Variants in AFF3 observed in about 807,000 individuals in gnomAD.
The protein encoded by AFF3 is AF4/FMR2 family member 3.
AFF3 carries 32 observed loss-of-function variants against 129.7 expected under a neutral mutation model. The ratio of observed to expected loss-of-function variants is 0.25; its 90% CI spans 0.19 to 0.33. AFF3 has a LOEUF of 0.33. Among genes scored for constraint, AFF3 ranks in the 10% least tolerant of loss-of-function variants. The probability of loss-of-function intolerance (pLI) is 1.00; values close to 1 mark genes in which losing one functional copy is unlikely to be tolerated. For synonymous variants in AFF3, 644 were observed against 635.4 expected (o/e 1.01, Z -0.20); for missense variants, 1,373 against 1,592.0 (o/e 0.86, Z 2.34).
chr2:100,045,245 G>A (rs1189752511), intron 4 of AFF3, among the ~76,000 whole-genome samples: 1 of 152,148 alleles, frequency 6.6e-6, no homozygotes, highest in Non-Finnish European at 1.5e-5. Flanking sequence ...GAAGACAACT[G>A]AGCTAGGGAG....
chr2:99,756,115 A>C (rs1282930591), intron 8 of AFF3, among the ~76,000 whole-genome samples: 1 of 152,188 alleles, frequency 6.6e-6, no homozygotes, highest in African/African-American at 2.4e-5. Context: ...CTGGATCCTC[A>C]TTAAAGATGA....
At chr2:99,807,238 G>A (rs1686421491) in intron 8 of AFF3, among the ~76,000 whole-genome samples, 1 of 152,228 alleles carries the variant, frequency 6.6e-6, no homozygotes, top group Admixed American at 6.5e-5. Context: ...CTGGATGGAA[G>A]AGGATGGTGC....
intron 4 of AFF3, among the ~76,000 whole-genome samples, chr2:100,059,306 T>G (rs1361741607): frequency 6.9e-6 from 1 of 144,890 alleles, no homozygotes; most frequent in Admixed American, 6.9e-5. Flanking sequence ...GACATTTCTC[T>G]AAAGAAGATA....
intron 2 of AFF3, among the ~76,000 whole-genome samples, chr2:100,127,762 C>T (rs137861822): frequency 6.6e-6 from 1 of 152,298 alleles, no homozygotes; most frequent in East Asian, 1.9e-4. Context: ...GATCTTCAAC[C>T]CTGTCTGGCT....
At chr2:99,867,003 A>AAAAAAT (rs1691464139) in intron 7 of AFF3, among the ~76,000 whole-genome samples, 2 of 99,150 alleles carry the variant, frequency 2.0e-5, no homozygotes, top group African/African-American at 7.1e-5. Context: ...ATAATAATAA[A>AAAAAAT]AAATAAATAA....
intron 7 of AFF3, among the ~76,000 whole-genome samples, chr2:99,939,199 C>G (rs1363200537): frequency 6.6e-6 from 1 of 152,210 alleles, no homozygotes; most frequent in Non-Finnish European, 1.5e-5. Context: ...GCTTGATCAA[C>G]TTTTTCTGCG....
intron 13 of AFF3, among the ~76,000 whole-genome samples, chr2:99,612,331 G>A (rs1344483808): frequency 6.6e-6 from 1 of 152,186 alleles, no homozygotes; most frequent in African/African-American, 2.4e-5. Context: ...CTCTGCTATA[G>A]TTCCTGCCCA....
chr2:99,904,597 T>C (rs965388941), intron 7 of AFF3, among the ~76,000 whole-genome samples: 5 of 152,212 alleles, frequency 3.3e-5, no homozygotes, highest in African/African-American at 1.2e-4. Flanking sequence ...CAGTTATTTA[T>C]TTAAAGGGGG....
chr2:100,078,523 G>A (rs923042348), intron 4 of AFF3, among the ~76,000 whole-genome samples: 1 of 152,134 alleles, frequency 6.6e-6, no homozygotes, highest in African/African-American at 2.4e-5. Flanking sequence ...ATGTCTCAGA[G>A]GGCTCTCTGC....
chr2:99,584,289 G>A (rs1677873591), intron 16 of AFF3, among the ~76,000 whole-genome samples: 1 of 151,650 alleles, frequency 6.6e-6, no homozygotes, highest in South Asian at 2.1e-4. Context: ...CCAACACGGT[G>A]AAACCCCCTC....
At chr2:99,618,297 G>T (rs60357076) in intron 13 of AFF3, among the ~76,000 whole-genome samples, 5,037 of 138,024 alleles carry the variant, frequency 0.036, 105 homozygotes, top group East Asian at 0.048. Flanking sequence ...GTACAGTGGC[G>T]CTATCTTGGC....
chr2:99,872,883 T>C (rs1179288568), intron 7 of AFF3, among the ~76,000 whole-genome samples: 4 of 152,212 alleles, frequency 2.6e-5, no homozygotes, highest in Non-Finnish European at 5.9e-5. Context: ...TGGTGGCAGA[T>C]ACAAGTTTTC....
At chr2:99,863,792 T>A (rs1576218738) in intron 7 of AFF3, among the ~76,000 whole-genome samples, 1 of 152,202 alleles carries the variant, frequency 6.6e-6, no homozygotes, top group East Asian at 1.9e-4. Context: ...ATACAGCAGA[T>A]GAAAGAACAT....
intron 2 of AFF3, among the ~76,000 whole-genome samples, chr2:100,118,940 A>T (rs1334514911): frequency 6.6e-6 from 1 of 151,968 alleles, no homozygotes; most frequent in Non-Finnish European, 1.5e-5. Flanking sequence ...AGCTGGGATT[A>T]CAGGCGTGCG....
rs569033399 is a variant in AFF3, at chr2:99,693,686, A to T, written c.1092-21097T>A. 2.0e-4 allele frequency among the ~76,000 whole-genome samples: 31 copies of T among 152,258 alleles called. No homozygotes were observed. In the South Asian group the frequency reaches 6.4e-3, roughly 32 times the overall value. On this transcript the variant is annotated intron_variant, in intron 11 of 24. Transcript: ENST00000672756. ...ATTCTTTTTATCCAATGATTCTAAT[A>T]CTTTTTCTATCTTTCCCTTATTACC...
At chr2:99,577,571 C>T (rs1191040375) in intron 18 of AFF3, among the ~76,000 whole-genome samples, 1 of 152,212 alleles carries the variant, frequency 6.6e-6, no homozygotes, top group Non-Finnish European at 1.5e-5. Flanking sequence ...CTGAATTTTT[C>T]CTTGTTCACC....
At chr2:99,879,416 A>G (rs1206810423) in intron 7 of AFF3, among the ~76,000 whole-genome samples, 2 of 152,164 alleles carry the variant, frequency 1.3e-5, no homozygotes, top group Non-Finnish European at 2.9e-5. Flanking sequence ...AAACGTGTAT[A>G]ACAACAATAT....
chr2:99,918,319 A>G (rs975420050), intron 7 of AFF3, among the ~76,000 whole-genome samples: 6 of 152,188 alleles, frequency 3.9e-5, no homozygotes, highest in African/African-American at 1.4e-4. Context: ...CATTCTGGGT[A>G]TATCTTGGGC....
At chr2:100,040,107 T>C (rs1487697933) in intron 4 of AFF3, among the ~76,000 whole-genome samples, 1 of 152,198 alleles carries the variant, frequency 6.6e-6, no homozygotes, top group Non-Finnish European at 1.5e-5. Flanking sequence ...TGGAATTTCA[T>C]CAACCTAAAT....
Sources: allele counts gnomAD v4.1 joint callset (sites outside exome capture counted in the v4.1 genomes callset), GRCh38; gene constraint gnomAD v4.1.1; transcripts MANE v1.5; gene names NCBI Gene and HGNC (gene_info 2026-07-23, HGNC 2026-07-21).